The following DNM3 variants were observed in gnomAD, a reference collection of about 807,000 sequenced individuals.
DNM3 encodes dynamin-3.
A neutral mutation model predicts 101.6 loss-of-function variants in DNM3; 47 were observed. That is an observed-to-expected ratio of 0.46 (90% CI 0.37 to 0.59). The LOEUF is 0.59. Ranked by LOEUF, DNM3 falls within the 20% of genes least tolerant of loss-of-function variation. The probability of loss-of-function intolerance (pLI) is 0.00; values close to 1 mark genes in which losing one functional copy is unlikely to be tolerated. For missense variants in DNM3, 849 were observed against 1,085.7 expected, an observed-to-expected ratio of 0.78 and a Z score of 3.06; for synonymous variants, 385 against 387.9, an observed-to-expected ratio of 0.99 and a Z score of 0.09.
intron 10 of DNM3, among the ~76,000 whole-genome samples, chr1:172,062,331 T>A (rs546415155): frequency 6.6e-6 from 1 of 152,298 alleles, no homozygotes; most frequent in East Asian, 1.9e-4. Flanking sequence ...ATTACTTAAG[T>A]AAGAGGCTCT....
In DNM3 at chr1:171,989,048, C is replaced by A; in HGVS notation, c.489C>A (p.Phe163Leu). 6.2e-7 allele frequency: 1 copy of A among 1,612,552 alleles called. No homozygotes were observed. Among genetic ancestry groups the A allele is most frequent in the South Asian group, 1.1e-5 (1 of 90,728 alleles). Residue 163 changes from phenylalanine (F) to leucine (L), a missense_variant, in exon 4 of 21, where the codon TTC becomes TTA. Physicochemically the swap from Phe to Leu is conservative, Grantham distance 22. Coordinates refer to ENST00000627582, the MANE Select transcript of DNM3 (RefSeq NM_015569.5). The stretch of plus-strand genomic sequence containing the variant: ...AGATCAGAGAAATGATTATGCAGTT[C>A]ATCACGAGGGAGAACTGTCTGATTT... ...EYQIREMIMQ[F>L]ITRENCLILA...
At chr1:172,132,352 C>T (rs952860727) in intron 14 of DNM3, among the ~76,000 whole-genome samples, 1 of 152,104 alleles carries the variant, frequency 6.6e-6, no homozygotes, top group Non-Finnish European at 1.5e-5. Context: ...ACTAAACTTT[C>T]TGCAATAAGG....
At chr1:172,002,045 A>G (rs2046388974) in intron 4 of DNM3, among the ~76,000 whole-genome samples, 1 of 152,048 alleles carries the variant, frequency 6.6e-6, no homozygotes, top group Non-Finnish European at 1.5e-5. Context: ...CAAAAATAAA[A>G]ACAATTCATG....
intron 18 of DNM3, among the ~76,000 whole-genome samples, chr1:172,380,004 T>A (rs1386683008): frequency 6.6e-6 from 1 of 152,048 alleles, no homozygotes; most frequent in Non-Finnish European, 1.5e-5. Context: ...TCTAAGGACA[T>A]CTTTTTATTT....
chr1:171,843,299 A>G (rs1051113553), intron 1 of DNM3, among the ~76,000 whole-genome samples: 1 of 152,214 alleles, frequency 6.6e-6, no homozygotes, highest in African/African-American at 2.4e-5. Context: ...TGATTAATGA[A>G]CAAAGTGAAG....
intron 17 of DNM3, among the ~76,000 whole-genome samples, chr1:172,329,259 G>A (rs899670820): frequency 6.6e-6 from 1 of 151,934 alleles, no homozygotes; most frequent in East Asian, 1.9e-4. Context: ...ATATTTAAAG[G>A]ATATATGAAT....
At position 172,408,461 on chromosome 1, in the gene DNM3, T is replaced by C. The variant is rs115751003; in HGVS notation, c.*620T>C. 3,910 of 985,410 alleles carry C rather than the reference T, an allele frequency of 4.0e-3. 121 individuals are homozygous for C. In the African/African-American group the frequency reaches 0.061, roughly 15 times the overall value. 61.0% of individuals were successfully genotyped at this position (985,410 alleles called of 1,614,324 possible). ...ACTGTTTGCTCTAAAGAGCTTCTCC[T>C]CATTCCAATGTGTTTTGCTTCATGC... On this transcript the variant is annotated 3_prime_UTR_variant, in exon 21 of 21. Transcript: ENST00000627582.
intron 14 of DNM3, among the ~76,000 whole-genome samples, chr1:172,216,885 C>T (rs997124648): frequency 6.6e-6 from 1 of 152,014 alleles, no homozygotes; most frequent in African/African-American, 2.4e-5. Context: ...TAGAGATTTT[C>T]CCTCTGTAAT....
At chr1:172,192,802 G>T (rs535945261) in intron 14 of DNM3, among the ~76,000 whole-genome samples, 1,517 of 151,618 alleles carry the variant, frequency 0.01, 32 homozygotes, top group African/African-American at 0.035. Context: ...TTGGTTCCAA[G>T]TCTTTGCTAT....
intron 4 of DNM3, among the ~76,000 whole-genome samples, chr1:172,030,824 G>C (rs2048549509): frequency 6.6e-6 from 1 of 152,176 alleles, no homozygotes; most frequent in Non-Finnish European, 1.5e-5. Flanking sequence ...CTGGTCATTA[G>C]AGAAATGCAA....
At chr1:172,258,212 C>T (rs1234277107) in intron 15 of DNM3, among the ~76,000 whole-genome samples, 5 of 151,944 alleles carry the variant, frequency 3.3e-5, no homozygotes, top group African/African-American at 1.2e-4. Context: ...GATTCCATAT[C>T]TTTGCTATTG....
intron 4 of DNM3, among the ~76,000 whole-genome samples, chr1:171,994,944 AC>A (rs1306221944): frequency 6.6e-6 from 1 of 151,498 alleles, no homozygotes; most frequent in Admixed American, 6.6e-5. Context: ...ATGCTCTCCA[AC>A]CCCATTCTGT....
intron 2 of DNM3, among the ~76,000 whole-genome samples, chr1:171,940,888 A>C (rs1258417873): frequency 6.6e-6 from 1 of 152,214 alleles, no homozygotes; most frequent in Non-Finnish European, 1.5e-5. Context: ...CTAGTGCAGA[A>C]TTCAGAATAA....
At chr1:172,390,852 A>G (rs2069484626) in intron 20 of DNM3, among the ~76,000 whole-genome samples, 2 of 152,200 alleles carry the variant, frequency 1.3e-5, no homozygotes, top group Admixed American at 1.3e-4. Context: ...AGCTGTGAGA[A>G]AAAACCAGAG....
intron 15 of DNM3, among the ~76,000 whole-genome samples, chr1:172,296,140 A>C (rs1477118541): frequency 1.3e-5 from 2 of 152,250 alleles, no homozygotes; most frequent in East Asian, 3.8e-4. Context: ...TATCTATGGA[A>C]TACCTACTAG....
intron 11 of DNM3, among the ~76,000 whole-genome samples, chr1:172,076,781 TTG>T (rs1466172617): frequency 6.6e-6 from 1 of 152,180 alleles, no homozygotes; most frequent in African/African-American, 2.4e-5. Flanking sequence ...ATTTTCTTTT[TTG>T]TGTGTGTCTC....
chr1:172,379,276 A>G, intron 18 of DNM3, 94 bp downstream of exon 18: 1 of 1,070,210 alleles, frequency 9.3e-7, no homozygotes, highest in African/African-American at 1.6e-5. Flanking sequence ...TATTTTCTGG[A>G]TAGTTCAAAT....
chr1:172,320,197 A>C lies in DNM3; in HGVS notation c.1882-3132A>C, dbSNP rs1447528484. Among the ~76,000 whole-genome samples, 5 of 149,638 alleles carry C rather than the reference A, an allele frequency of 3.3e-5. No homozygotes were observed. In the South Asian group the frequency reaches 1.1e-3, roughly 33 times the overall value. ...AATTGAACAATGAGAACACATGGACACAGGAAGGGGAACATCACACTCTGG... is the reference window on the plus strand; with the variant it reads ...AATTGAACAATGAGAACACATGGACCCAGGAAGGGGAACATCACACTCTGG... On this transcript the variant is annotated intron_variant, in intron 16 of 20. Coordinates refer to ENST00000627582, the MANE Select transcript of DNM3 (RefSeq NM_015569.5).
chr1:172,232,965 C>G (rs975886377), intron 14 of DNM3, among the ~76,000 whole-genome samples: 1 of 152,074 alleles, frequency 6.6e-6, no homozygotes, highest in Non-Finnish European at 1.5e-5. Context: ...ACCCTAACAT[C>G]ACAATTAAAA....
Sources: gnomAD v4.1 joint callset for allele counts (sites outside exome capture counted in the v4.1 genomes callset) on GRCh38, gnomAD v4.1.1 for gene constraint, MANE v1.5 for transcripts, NCBI Gene and HGNC (gene_info 2026-07-23, HGNC 2026-07-21) for gene names.